The following IMMP2L variants were observed in gnomAD, a reference collection of about 807,000 sequenced individuals.
The protein encoded by IMMP2L is inner mitochondrial membrane peptidase subunit 2.
Under a neutral mutation model 19.3 loss-of-function variants are expected in IMMP2L, and 18 were observed. The observed-to-expected ratio is 0.93, with a 90% CI of 0.64 to 1.38. The LOEUF (loss-of-function observed/expected upper bound fraction) is 1.38. Ranked by LOEUF, IMMP2L falls within the 40% of genes most tolerant of loss-of-function variation. The probability of loss-of-function intolerance (pLI) is 0.00; values close to 1 mark genes in which losing one functional copy is unlikely to be tolerated. For synonymous variants in IMMP2L, 76 were observed against 73.0 expected, an observed-to-expected ratio of 1.04 and a Z score of -0.21; for missense variants, 233 against 218.2, an observed-to-expected ratio of 1.07 and a Z score of -0.43.
At chr7:111,378,100 C>A (rs892238712) in intron 3 of IMMP2L, among the ~76,000 whole-genome samples, 8 of 151,698 alleles carry the variant, frequency 5.3e-5, no homozygotes, top group Admixed American at 1.3e-4. Flanking sequence ...ATAAAAAAAA[C>A]TGAAATATAA....
In IMMP2L at chr7:111,463,830, C is replaced by G. The variant is rs576652752; in HGVS notation, c.239+23408G>C. Among the ~76,000 whole-genome samples, 7 of 152,294 alleles carry G rather than the reference C, an allele frequency of 4.6e-5. No homozygotes were observed. The East Asian group carries it at 9.6e-4, about 21-fold the overall frequency. ...ATTGAATGTACCGTCTGTTTCTCACCAAGGCCCTATCTGGTACACAGGGAT... is the reference window on the plus strand; with the variant it reads ...ATTGAATGTACCGTCTGTTTCTCACGAAGGCCCTATCTGGTACACAGGGAT... On this transcript the variant is annotated intron_variant, in intron 3 of 5. Transcript: ENST00000405709.
chr7:111,057,798 A>G (rs2129574149), intron 3 of IMMP2L, among the ~76,000 whole-genome samples: 1 of 152,378 alleles, frequency 6.6e-6, no homozygotes, highest in African/African-American at 2.4e-5. Flanking sequence ...GGCAATCAAA[A>G]GAAAATAATC....
intron 3 of IMMP2L, among the ~76,000 whole-genome samples, chr7:111,446,670 G>A (rs1052008051): frequency 1.9e-4 from 29 of 152,172 alleles, no homozygotes; most frequent in Admixed American, 1.4e-3. Context: ...CCAAAGGAAC[G>A]CAGTTCCTCA....
intron 3 of IMMP2L, among the ~76,000 whole-genome samples, chr7:111,238,971 A>T (rs997740622): frequency 6.6e-6 from 1 of 151,992 alleles, no homozygotes. Context: ...TGTTCTTGCC[A>T]TAATTGCAAT....
At chr7:111,299,372 A>G (rs1296919145) in intron 3 of IMMP2L, among the ~76,000 whole-genome samples, 6 of 152,168 alleles carry the variant, frequency 3.9e-5, no homozygotes, top group Non-Finnish European at 1.5e-5. Context: ...ATAGCTGTTA[A>G]TCTCATTCAA....
intron 3 of IMMP2L, among the ~76,000 whole-genome samples, chr7:111,341,319 T>C (rs2130789484): frequency 6.6e-6 from 1 of 152,208 alleles, no homozygotes; most frequent in Admixed American, 6.6e-5. Context: ...GCCACTGTTC[T>C]AGGCACCTGT....
At chr7:111,527,547 T>C (rs953721185) in intron 1 of IMMP2L, among the ~76,000 whole-genome samples, 7 of 152,064 alleles carry the variant, frequency 4.6e-5, no homozygotes, top group African/African-American at 1.7e-4. Flanking sequence ...AACACTGAGA[T>C]CACTATTGAC....
intron 3 of IMMP2L, among the ~76,000 whole-genome samples, chr7:111,485,597 C>CAA (rs71147477): frequency 0.72 from 36,322 of 50,452 alleles, 16,245 homozygotes; most frequent in East Asian, 0.86. Context: ...GACTCTGTTT[C>CAA]AAAAAAAAAA....
chr7:111,233,524 G>C (rs764946921), intron 3 of IMMP2L, among the ~76,000 whole-genome samples: 2 of 151,870 alleles, frequency 1.3e-5, no homozygotes, highest in Non-Finnish European at 2.9e-5. Context: ...AAAGATAATC[G>C]TAACACAGAA....
intron 3 of IMMP2L, among the ~76,000 whole-genome samples, chr7:111,398,325 A>G (rs2131384903): frequency 6.6e-6 from 1 of 152,272 alleles, no homozygotes; most frequent in Non-Finnish European, 1.5e-5. Flanking sequence ...AGTTTAACAT[A>G]CACAAGTCAA....
At chr7:111,335,302 ATC>A (rs1826287829) in intron 3 of IMMP2L, among the ~76,000 whole-genome samples, 2 of 152,246 alleles carry the variant, frequency 1.3e-5, no homozygotes, top group Admixed American at 1.3e-4. Flanking sequence ...ACTACCAAAT[ATC>A]TCTCTGTTAT....
At chr7:110,783,385 T>C (rs1225741605) in intron 5 of IMMP2L, among the ~76,000 whole-genome samples, 1 of 151,878 alleles carries the variant, frequency 6.6e-6, no homozygotes, top group Non-Finnish European at 1.5e-5. Context: ...GAGCTGGTTC[T>C]TAAGTCACAA....
At chr7:111,430,970 G>A (rs563751173) in intron 3 of IMMP2L, among the ~76,000 whole-genome samples, 12 of 151,812 alleles carry the variant, frequency 7.9e-5, no homozygotes, top group Admixed American at 7.2e-4. Context: ...AGTCAGACGT[G>A]GTGGTGAGTG....
intron 3 of IMMP2L, among the ~76,000 whole-genome samples, chr7:111,428,691 T>G (rs1208144800): frequency 6.6e-6 from 1 of 151,812 alleles, no homozygotes; most frequent in Non-Finnish European, 1.5e-5. Flanking sequence ...AAAAAGACTT[T>G]CTGAAATATA....
In IMMP2L at chr7:111,504,007, A is replaced by G. The variant is rs1222712642; in HGVS notation, c.136-16666T>C. Among the ~76,000 whole-genome samples, 8 of 152,258 alleles carry G rather than the reference A, an allele frequency of 5.3e-5. No individual in the cohort carries two copies. The East Asian group carries it at 1.5e-3, about 29-fold the overall frequency. ...AGGAGAAGGAAATAAAGGGTATTCA[A>G]TTAGGAAAAGAGGAAGTCAAATTGT... On this transcript the variant is annotated intron_variant, in intron 2 of 5. Coordinates refer to ENST00000405709, the MANE Select transcript of IMMP2L (RefSeq NM_032549.4).
intron 3 of IMMP2L, among the ~76,000 whole-genome samples, chr7:111,420,505 C>A (rs1835390162): frequency 1.3e-5 from 2 of 151,622 alleles, no homozygotes; most frequent in Admixed American, 1.3e-4. Context: ...TTGCTGCATC[C>A]ATCAACTCAT....
In IMMP2L at chr7:111,154,183, ATAGT is replaced by A. The variant is rs576695075; in HGVS notation, c.240-190622_240-190619del. Among the ~76,000 whole-genome samples the A allele has an allele frequency of 4.3e-3, 653 of 152,248 alleles. 2 individuals are homozygous for A. Among genetic ancestry groups the A allele is most frequent in the Middle Eastern group, 0.024 (7 of 290 alleles). ...CTATTATACCACACTATTATATTTA[ATAGT>A]TAGCTTAAAATGTTAAAAATAAAAT... is the stretch of plus-strand genomic sequence containing the variant. On this transcript the variant is annotated intron_variant, in intron 3 of 5. Coordinates refer to ENST00000405709, the MANE Select transcript of IMMP2L (RefSeq NM_032549.4).
Position 110,886,617 on chromosome 7 carries a change from A to G in IMMP2L, c.384T>C (p.Ser128=). The G allele has an allele frequency of 6.2e-7, 1 of 1,603,886 alleles. No individual in the cohort carries two copies. The highest frequency in any genetic ancestry group is 8.5e-7 in the Non-Finnish European group (1 of 1,170,852). ...IWVEGDHHGH[S]FDSNSFGPVS... is the part of the protein sequence containing the mutation. ...CCGGCCCAAAAGAATTACTGTCAAA[A>G]CTGTGTCCATGATGATCACCTTCAA... is the stretch of plus-strand genomic sequence containing the variant. Residue 128 remains serine (S), a synonymous_variant, in exon 5 of 6, where the codon AGT becomes AGC. Coordinates refer to ENST00000405709, the MANE Select transcript of IMMP2L (RefSeq NM_032549.4).
chr7:111,148,228 A>G (rs1448160656), intron 3 of IMMP2L, among the ~76,000 whole-genome samples: 1 of 152,154 alleles, frequency 6.6e-6, no homozygotes, highest in Non-Finnish European at 1.5e-5. Flanking sequence ...TCTTGAAAAC[A>G]TTATGCTAAC....
Sources: gnomAD v4.1 joint callset for allele counts (sites outside exome capture counted in the v4.1 genomes callset) on GRCh38, gnomAD v4.1.1 for gene constraint, MANE v1.5 for transcripts, NCBI Gene and HGNC (gene_info 2026-07-23, HGNC 2026-07-21) for gene names.